The following PRKCQ variants were observed in gnomAD, a reference collection of about 807,000 sequenced individuals.
PRKCQ encodes protein kinase C theta type.
In PRKCQ, 41 loss-of-function variants were observed where a neutral mutation model predicts 91.2. The observed-to-expected ratio is 0.45, with a 90% CI of 0.35 to 0.58. PRKCQ has a LOEUF of 0.58. PRKCQ is among the 20% of genes least tolerant of loss of function. The pLI, the probability that PRKCQ is intolerant of heterozygous loss-of-function variation, is 0.00. For missense variants in PRKCQ, 673 were observed against 896.5 expected (o/e 0.75, Z 3.18); for synonymous variants, 307 against 316.9 (o/e 0.97, Z 0.33).
At chr10:6,408,046 G>GTTTTTTTTTTTTTTT in the PRKCQ span, among the ~76,000 whole-genome samples, 1 of 84,228 alleles carries the variant, frequency 1.2e-5, no homozygotes, top group African/African-American at 5.6e-5. Flanking sequence ...TCTTGTGTCA[G>GTTTTTTTTTTTTTTT]TTTTTTTTTT....
intron 14 of PRKCQ, 72 bp from the exon 15 acceptor site, chr10:6,456,884 C>A: frequency 2.6e-6 from 4 of 1,530,710 alleles, no homozygotes; most frequent in Non-Finnish European, 3.6e-6. Flanking sequence ...CCATAGGAGG[C>A]GAGGGAGTTT....
At chr10:6,507,962 T>G (rs1319460010) in intron 3 of PRKCQ, among the ~76,000 whole-genome samples, 1 of 152,186 alleles carries the variant, frequency 6.6e-6, no homozygotes, top group African/African-American at 2.4e-5. Flanking sequence ...CTGGGATGCA[T>G]GTCTAGGTTA....
intron 12 of PRKCQ, among the ~76,000 whole-genome samples, chr10:6,467,427 G>C (rs1835746647): frequency 9.5e-6 from 1 of 105,124 alleles, no homozygotes; most frequent in Non-Finnish European, 2.1e-5. Flanking sequence ...GAGAGAGAGA[G>C]AGAGATGGTG....
At chr10:6,402,047 A>C in the PRKCQ span, among the ~76,000 whole-genome samples, 1 of 152,174 alleles carries the variant, frequency 6.6e-6, no homozygotes, top group Non-Finnish European at 1.5e-5. Context: ...GGAAGAACAC[A>C]GACGCTGCAA....
intron 1 of PRKCQ, among the ~76,000 whole-genome samples, chr10:6,575,994 CAT>C (rs1484325616): frequency 5.3e-5 from 8 of 152,120 alleles, no homozygotes; most frequent in African/African-American, 1.9e-4. Context: ...GAGCTGAGAT[CAT>C]GCCACTGCAC....
chr10:6,422,139 CTAAA>C (rs1833021652), downstream of PRKCQ, among the ~76,000 whole-genome samples: 1 of 152,064 alleles, frequency 6.6e-6, no homozygotes, highest in Non-Finnish European at 1.5e-5. Flanking sequence ...AAAGAGGTCT[CTAAA>C]TGATTTATGT....
At chr10:6,570,703 C>T (rs1041812693) in intron 1 of PRKCQ, among the ~76,000 whole-genome samples, 7 of 152,060 alleles carry the variant, frequency 4.6e-5, no homozygotes, top group South Asian at 2.1e-4. Flanking sequence ...TACAGGTATG[C>T]GCCAGCACGC....
intron 12 of PRKCQ, among the ~76,000 whole-genome samples, chr10:6,475,847 T>G (rs1390553313): frequency 1.3e-5 from 2 of 152,248 alleles, no homozygotes; most frequent in Non-Finnish European, 2.9e-5. Context: ...GAAAAGGTGA[T>G]TCAAGCTTCT....
At position 6,453,904 on chromosome 10, in the gene PRKCQ, C is replaced by T. The variant is rs1213411218; in HGVS notation, c.1647+2770G>A. On this transcript the variant is annotated intron_variant, in intron 15 of 17. Coordinates refer to ENST00000263125, the MANE Select transcript of PRKCQ (RefSeq NM_006257.5). ...CATGGACACAGGAAGGGGAACATCA[C>T]ACTCTGGGGACTGTTGTGGGGTGGG... 2.6e-5 allele frequency among the ~76,000 whole-genome samples: 4 copies of T among 151,654 alleles called. No individual in the cohort carries two copies. The East Asian group carries it at 5.9e-4, about 22-fold the overall frequency.
the PRKCQ span, among the ~76,000 whole-genome samples, chr10:6,416,293 T>A: frequency 6.6e-6 from 1 of 152,136 alleles, no homozygotes; most frequent in Non-Finnish European, 1.5e-5. Context: ...CGGTGATTTC[T>A]GAGATTTTGG....
At chr10:6,458,513 C>T (rs1160592651) in intron 14 of PRKCQ, among the ~76,000 whole-genome samples, 1 of 152,092 alleles carries the variant, frequency 6.6e-6, no homozygotes, top group African/African-American at 2.4e-5. Context: ...ATCATGGCAT[C>T]AAGCAGAAGA....
At chr10:6,540,908 A>G (rs560633404) in intron 1 of PRKCQ, among the ~76,000 whole-genome samples, 3 of 152,270 alleles carry the variant, frequency 2.0e-5, no homozygotes, top group Non-Finnish European at 2.9e-5. Flanking sequence ...TTTTTTTGGT[A>G]ATAGCCATCC....
rs1300189239 is a variant in PRKCQ, at chr10:6,511,058, G to A, written c.255C>T (p.Thr85=). ...CAGCCAGCGAGTAGAGCTCCACGGT[G>A]GTTTCAGAGATGAGGTCCACGTTTT... is the stretch of plus-strand genomic sequence containing the variant. ...KGKNVDLISE[T]TVELYSLAER... Residue 85 remains threonine (T), a synonymous_variant, in exon 3 of 18, where the codon ACC becomes ACT. Coordinates refer to ENST00000263125, the MANE Select transcript of PRKCQ (RefSeq NM_006257.5). 1.2e-6 allele frequency: 2 copies of A among 1,614,132 alleles called. No homozygotes were observed. Among genetic ancestry groups the A allele is most frequent in the Non-Finnish European group, 1.7e-6 (2 of 1,180,012 alleles).
At chr10:6,521,922 GTTATTTATTTAT>G (rs71379861) in intron 1 of PRKCQ, among the ~76,000 whole-genome samples, 5 of 63,198 alleles carry the variant, frequency 7.9e-5, no homozygotes, top group African/African-American at 1.8e-4. Context: ...GTTATGTTAT[GTTATTTATTTAT>G]TTATTTATTT....
At chr10:6,505,432 TCTTC>T (rs1838141868) in intron 4 of PRKCQ, among the ~76,000 whole-genome samples, 1 of 151,708 alleles carries the variant, frequency 6.6e-6, no homozygotes, top group South Asian at 2.1e-4. Context: ...TTCCTTCCTT[TCTTC>T]CTTCCTTCTT....
chr10:6,482,526 G>C (rs1191723860), intron 11 of PRKCQ, among the ~76,000 whole-genome samples: 1 of 152,172 alleles, frequency 6.6e-6, no homozygotes, highest in Admixed American at 6.5e-5. Context: ...AGAGGGGCCT[G>C]GGAAGAAACA....
intron 8 of PRKCQ, among the ~76,000 whole-genome samples, chr10:6,489,725 G>A (rs181785274): frequency 1.3e-5 from 2 of 150,872 alleles, no homozygotes; most frequent in African/African-American, 4.9e-5. Context: ...GGAGAGGAGA[G>A]GGGACAAAAG....
rs486442 is a variant in PRKCQ, at chr10:6,497,428, G to T, written c.543-177C>A. Among the ~76,000 whole-genome samples, 58,768 of 151,972 alleles carry T rather than the reference G, an allele frequency of 0.39. 13,332 individuals carry two copies. Among genetic ancestry groups the T allele is most frequent in the Admixed American group, 0.56 (8,511 of 15,266 alleles). On this transcript the variant is annotated intron_variant, in intron 5 of 17. Transcript: ENST00000263125. The surrounding 1 kb of genome is among the most constrained non-coding windows in gnomAD (Gnocchi z 4.5). ...CAGAGTGTTTTTCATTTGAAGCTGC[G>T]TTTTAAAAAGTTTGATAATTAAATA...
intron 1 of PRKCQ, among the ~76,000 whole-genome samples, chr10:6,574,510 T>C (rs1237985581): frequency 6.6e-6 from 1 of 152,184 alleles, no homozygotes; most frequent in Non-Finnish European, 1.5e-5. Flanking sequence ...ATAACGTATA[T>C]GGTTCACCTG....
Sources: gnomAD v4.1 joint callset for allele counts (sites outside exome capture counted in the v4.1 genomes callset) on GRCh38, gnomAD v4.1.1 for gene constraint, Gnocchi (gnomAD v3.1) non-coding constraint, MANE v1.5 for transcripts, NCBI Gene and HGNC (gene_info 2026-07-23, HGNC 2026-07-21) for gene names.